The following ANKRD16 variants were observed in gnomAD, a reference collection of about 807,000 sequenced individuals.
ANKRD16 encodes ankyrin repeat domain-containing protein 16.
A neutral mutation model predicts 37.9 loss-of-function variants in ANKRD16; 35 were observed. That is an observed-to-expected ratio of 0.92 (90% CI 0.71 to 1.23). The LOEUF (loss-of-function observed/expected upper bound fraction) is 1.23, where lower values mean the gene tolerates loss of function less well. Among genes scored for constraint, ANKRD16 ranks in the 50% most tolerant of loss-of-function variants. ANKRD16 has a pLI of 0.00. For missense variants in ANKRD16, 480 were observed against 469.9 expected, an observed-to-expected ratio of 1.02 and a Z score of -0.20; for synonymous variants, 206 against 197.2, an observed-to-expected ratio of 1.04 and a Z score of -0.37.
In ANKRD16 at chr10:5,869,002, C is replaced by T. The variant is rs2131755233; in HGVS notation, c.*34-6311G>A. ...AAACTTTTGGACAAGTTTGTCCAAC[C>T]TGTGGCCCAGGTGGCTTTGAATGTG... On this transcript the variant is annotated intron_variant, in intron 7 of 7. Coordinates refer to ENST00000380094, the MANE Select transcript of ANKRD16 (RefSeq NM_019046.3). This position sits in a 1 kb window ranked among gnomAD's most constrained non-coding sequence, Gnocchi z 4.0. Among the ~76,000 whole-genome samples, 1 of 152,296 alleles carries T rather than the reference C, an allele frequency of 6.6e-6. No individual in the cohort carries two copies. Among genetic ancestry groups the T allele is most frequent in the African/African-American group, 2.4e-5 (1 of 41,560 alleles).
At chr10:5,885,502 G>GA (rs2131779270) in intron 3 of ANKRD16, among the ~76,000 whole-genome samples, 1 of 152,078 alleles carries the variant, frequency 6.6e-6, no homozygotes, top group East Asian at 1.9e-4. Context: ...AATGCTCGTT[G>GA]AAAAAAATAG....
intron 6 of ANKRD16, among the ~76,000 whole-genome samples, chr10:5,879,214 C>G (rs1417029106): frequency 6.6e-6 from 1 of 152,174 alleles, no homozygotes; most frequent in African/African-American, 2.4e-5. Flanking sequence ...TGGCTCATGC[C>G]TGTAATCCCT....
intron 5 of ANKRD16, 185 bp downstream of exon 5, chr10:5,882,821 C>G: frequency 1.7e-6 from 1 of 581,602 alleles, no homozygotes; most frequent in East Asian, 3.3e-5. Flanking sequence ...TGTCTAGCAA[C>G]AAATTCAAGT....
chr10:5,879,026 G>A (rs1345192331), intron 6 of ANKRD16, among the ~76,000 whole-genome samples: 4 of 152,162 alleles, frequency 2.6e-5, no homozygotes, highest in Non-Finnish European at 5.9e-5. Flanking sequence ...GCAGAAATCA[G>A]CACTGAGGTT....
intron 2 of ANKRD16, among the ~76,000 whole-genome samples, chr10:5,886,590 CA>C (rs57142806): frequency 0.6 from 91,146 of 150,736 alleles, 28,016 homozygotes; most frequent in East Asian, 0.89. Context: ...GACTCTGTCT[CA>C]AAAAAAAACA....
At chr10:5,888,512 G>A (rs1842494488) in intron 1 of ANKRD16, among the ~76,000 whole-genome samples, 1 of 152,172 alleles carries the variant, frequency 6.6e-6, no homozygotes, top group African/African-American at 2.4e-5. Context: ...TCTAACAAAC[G>A]AAATGCAATT....
chr10:5,873,028 C>CTTTT (rs573396387), intron 7 of ANKRD16, among the ~76,000 whole-genome samples: 1 of 116,106 alleles, frequency 8.6e-6, no homozygotes, highest in African/African-American at 3.3e-5. Context: ...CCTGGCTAAT[C>CTTTT]TTTTTTTTTT....
chr10:5,889,143 T>C lies in ANKRD16; in HGVS notation c.212A>G (p.Tyr71Cys), dbSNP rs934768779. 6.3e-7 allele frequency: 1 copy of C among 1,597,872 alleles called. No individual in the cohort carries two copies. Among genetic ancestry groups the C allele is most frequent in the Non-Finnish European group, 8.5e-7 (1 of 1,179,036 alleles). ...GGCCGCCTCGTGCAGAGGCCGCTTG[T>C]AGTCTCGGTTGGTGGCCTCGATGTC... is the stretch of plus-strand genomic sequence containing the variant. ...GMDIEATNRD[Y>C]KRPLHEAASM... Residue 71 changes from tyrosine to cysteine, a missense_variant, in exon 1 of 8, where the codon TAC becomes TGC. Coordinates refer to ENST00000380094, the MANE Select transcript of ANKRD16 (RefSeq NM_019046.3).
chr10:5,883,530 G>C (rs1842355293), intron 4 of ANKRD16, among the ~76,000 whole-genome samples: 2 of 152,140 alleles, frequency 1.3e-5, no homozygotes, highest in African/African-American at 4.8e-5. Flanking sequence ...CCTGACCTTA[G>C]ATGACCCACC....
In ANKRD16 at chr10:5,880,424, C is replaced by T. The variant is rs959871454; in HGVS notation, c.850-48G>A. On this transcript the variant is annotated intron_variant, in intron 5 of 7. Transcript: ENST00000380094. ...TCACTGTGATGAGGATAAAAGAAAA[C>T]CTTTTGCAAACCAAAAAGTATCTGA... 3.0e-6 allele frequency: 4 copies of T among 1,342,278 alleles called. 1 individual carries two copies. The South Asian group carries it at 4.1e-5, about 14-fold the overall frequency. 83.1% of individuals were successfully genotyped at this position (1,342,278 alleles called of 1,614,324 possible).
chr10:5,886,173 A>G (rs1203628990), intron 2 of ANKRD16, among the ~76,000 whole-genome samples: 2 of 152,198 alleles, frequency 1.3e-5, no homozygotes, highest in South Asian at 2.1e-4. Context: ...GGTTATGACT[A>G]TTTGTCTTCC....
chr10:5,882,595 T>C (rs1382311916), intron 5 of ANKRD16: 1 of 154,522 alleles, frequency 6.5e-6, no homozygotes, highest in East Asian at 1.9e-4. Context: ...AGTGAAAATG[T>C]TTGCTTATCT....
At chr10:5,887,302 T>C (rs610467) in intron 2 of ANKRD16, among the ~76,000 whole-genome samples, 151,458 of 152,082 alleles carry the variant, frequency 1, 75,423 homozygotes, top group Middle Eastern at 1. Context: ...GAAAAATAAA[T>C]TAATACCACA....
At position 5,863,240 on chromosome 10, in the gene ANKRD16, A is replaced by T. The variant is rs138432392; in HGVS notation, c.*34-549T>A. ...ATCAAGTTTCCCCTGTGCCAGAAGAATCAGTCCTCCAGATGGGTGGGCAGC... is the reference window on the plus strand; with the variant it reads ...ATCAAGTTTCCCCTGTGCCAGAAGATTCAGTCCTCCAGATGGGTGGGCAGC... On this transcript the variant is annotated intron_variant, in intron 7 of 7. Transcript: ENST00000380094. This position sits in a 1 kb window ranked among gnomAD's most constrained non-coding sequence, Gnocchi z 4.7. Among the ~76,000 whole-genome samples the T allele has an allele frequency of 6.6e-6, 1 of 152,098 alleles. No individual in the cohort carries two copies. Among genetic ancestry groups the T allele is most frequent in the African/African-American group, 2.4e-5 (1 of 41,492 alleles).
chr10:5,867,404 A>G (rs1384477359), intron 7 of ANKRD16, among the ~76,000 whole-genome samples: 1 of 152,230 alleles, frequency 6.6e-6, no homozygotes, highest in Non-Finnish European at 1.5e-5. Flanking sequence ...ATTGCCTAAT[A>G]ATTGGTCTGC....
chr10:5,873,113 T>C (rs1371881814), intron 7 of ANKRD16, among the ~76,000 whole-genome samples: 2 of 148,004 alleles, frequency 1.4e-5, no homozygotes, highest in Non-Finnish European at 3.0e-5. Flanking sequence ...CACTGCAACC[T>C]CCGCCTCCCG....
Position 5,878,023 on chromosome 10 carries a change from G to C in ANKRD16, c.*33+74C>G. On this transcript the variant is annotated intron_variant, in intron 7 of 7. Transcript: ENST00000380094. This position sits in a 1 kb window ranked among gnomAD's most constrained non-coding sequence, Gnocchi z 5.1. ...GCAGGATGAGGGAAGGGAGGAAGTG[G>C]AGGAGATGGAAAACTGGCTTCCAAC... The C allele has an allele frequency of 6.9e-7, 1 of 1,451,428 alleles. No individual in the cohort carries two copies. Among genetic ancestry groups the C allele is most frequent in the South Asian group, 1.3e-5 (1 of 75,836 alleles). 89.9% of individuals were successfully genotyped at this position (1,451,428 alleles called of 1,614,324 possible).
rs1240544653 is a variant in ANKRD16, at chr10:5,874,758, A to C, written c.*33+3339T>G. ...GCAGTGGAAAGTAAGGGCTAGAGAG[A>C]GATCTGAGTGTTACTGACATTAGGG... On this transcript the variant is annotated intron_variant, in intron 7 of 7. Coordinates refer to ENST00000380094, the MANE Select transcript of ANKRD16 (RefSeq NM_019046.3). This position sits in a 1 kb window ranked among gnomAD's most constrained non-coding sequence, Gnocchi z 4.7. Among the ~76,000 whole-genome samples, 1 of 152,150 alleles carries C rather than the reference A, an allele frequency of 6.6e-6. No individual in the cohort carries two copies. Among genetic ancestry groups the C allele is most frequent in the Non-Finnish European group, 1.5e-5 (1 of 68,034 alleles).
chr10:5,864,641 T>C lies in ANKRD16; in HGVS notation c.*34-1950A>G, dbSNP rs56354230. Reference sequence around the variant, plus strand: ...ATACCTGGAATCTTAGTCAAGTAAATGACAGAATGACAGCCGAAGAAAGGG... The same window carrying C: ...ATACCTGGAATCTTAGTCAAGTAAACGACAGAATGACAGCCGAAGAAAGGG... On this transcript the variant is annotated intron_variant, in intron 7 of 7. Coordinates refer to ENST00000380094, the MANE Select transcript of ANKRD16 (RefSeq NM_019046.3). The surrounding 1 kb of genome is among the most constrained non-coding windows in gnomAD (Gnocchi z 4.4). Among the ~76,000 whole-genome samples the C allele has an allele frequency of 0.034, 5,125 of 152,092 alleles. 140 individuals are homozygous for C. The highest frequency in any genetic ancestry group is 0.085 in the East Asian group (439 of 5,172).
Sources: allele counts gnomAD v4.1 joint callset (sites outside exome capture counted in the v4.1 genomes callset), GRCh38; gene constraint gnomAD v4.1.1; non-coding constraint Gnocchi (gnomAD v3.1); transcripts MANE v1.5; gene names NCBI Gene and HGNC (gene_info 2026-07-23, HGNC 2026-07-21).